The following ERGIC1 variants were observed in gnomAD, a reference collection of about 807,000 sequenced individuals.
ERGIC1 encodes the protein endoplasmic reticulum-Golgi intermediate compartment protein 1.
In ERGIC1, 19 loss-of-function variants were observed where a neutral mutation model predicts 38.3. The observed-to-expected ratio is 0.50, with a 90% CI of 0.35 to 0.73. ERGIC1 has a LOEUF of 0.73. Among genes scored for constraint, ERGIC1 ranks in the 30% least tolerant of loss-of-function variants. The pLI is 0.01. For synonymous variants in ERGIC1, 124 were observed against 157.6 expected (o/e 0.79, Z 1.60); for missense variants, 294 against 389.2 (o/e 0.76, Z 2.06).
chr5:172,914,234 C>CAAAA lies in ERGIC1; in HGVS notation c.251-460_251-457dup, dbSNP rs35584191. 2.2e-4 allele frequency among the ~76,000 whole-genome samples: 22 copies of CAAAA among 102,174 alleles called. 1 individual carries two copies. The highest frequency in any genetic ancestry group is 6.4e-4 in the African/African-American group (15 of 23,486). The allele number at this position is 102,174 out of a possible 152,430, so 67.0% of individuals were successfully genotyped here. A position where few individuals can be genotyped will look rare whatever the true frequency, so the allele number is the denominator to read the frequency against. Reference sequence around the variant, plus strand: ...TGGGCAAGAGAGCAAGACTCTGTCTCAAAAAAAAAAAAAAAAAAAAAAATA... The same window carrying CAAAA: ...TGGGCAAGAGAGCAAGACTCTGTCTCAAAAAAAAAAAAAAAAAAAAAAAAAAATA... On this transcript the variant is annotated intron_variant, in intron 4 of 9. Transcript: ENST00000393784.
chr5:172,892,060 A>ATTTTTTTTTTGTAT (rs372105420), intron 2 of ERGIC1, among the ~76,000 whole-genome samples: 1 of 125,530 alleles, frequency 8.0e-6, no homozygotes, highest in Non-Finnish European at 1.6e-5. Context: ...GTTAAAGAGT[A>ATTTTTTTTTTGTAT]TGTTTTTTTT....
At chr5:172,848,369 G>A (rs191913853) in intron 1 of ERGIC1, among the ~76,000 whole-genome samples, 110 of 152,214 alleles carry the variant, frequency 7.2e-4, no homozygotes, top group African/African-American at 2.5e-3. Context: ...TAGATGGGGC[G>A]ATAGAGAGTT....
intron 1 of ERGIC1, among the ~76,000 whole-genome samples, chr5:172,864,415 C>T (rs1293335801): frequency 1.7e-4 from 26 of 151,738 alleles, no homozygotes; most frequent in African/African-American, 5.6e-4. Context: ...ATTACAGGCA[C>T]GTACCACCAC....
intron 1 of ERGIC1, among the ~76,000 whole-genome samples, chr5:172,885,442 A>AT (rs1385100654): frequency 6.6e-6 from 1 of 151,892 alleles, no homozygotes; most frequent in African/African-American, 2.4e-5. Context: ...CAGTTTCTGT[A>AT]TTTTTTTAAA....
At position 172,951,571 on chromosome 5, in the gene ERGIC1, C is replaced by T. The variant is rs1296507916; in HGVS notation, c.*755C>T. 6.6e-6 allele frequency: 1 copy of T among 152,314 alleles called. No homozygotes were observed. Among genetic ancestry groups the T allele is most frequent in the Non-Finnish European group, 1.5e-5 (1 of 68,110 alleles). The allele number at this position is 152,314 out of a possible 1,614,324, so 9.4% of individuals were successfully genotyped here. ...CCTCTCTTCTCCTCGTTCCTCTGAA[C>T]CCTCCACCAATGTGCCTCAGCCTGT... On this transcript the variant is annotated 3_prime_UTR_variant, in exon 10 of 10. Coordinates refer to ENST00000393784, the MANE Select transcript of ERGIC1 (RefSeq NM_001031711.3).
intron 2 of ERGIC1, among the ~76,000 whole-genome samples, chr5:172,893,913 G>A (rs1489933282): frequency 0.13 from 6,671 of 51,490 alleles, 929 homozygotes; most frequent in African/African-American, 0.23. Context: ...ATATGTGTGT[G>A]TGTGTGTGTG....
At chr5:172,893,260 G>C (rs58880441) in intron 2 of ERGIC1, among the ~76,000 whole-genome samples, 3,199 of 152,156 alleles carry the variant, frequency 0.021, 107 homozygotes, top group African/African-American at 0.073. Context: ...TGGTTCTCCT[G>C]TCTCAGCCTC....
intron 7 of ERGIC1, among the ~76,000 whole-genome samples, chr5:172,929,823 G>A (rs886150040): frequency 3.3e-5 from 5 of 152,122 alleles, no homozygotes; most frequent in Admixed American, 2.6e-4. Flanking sequence ...ATAGAGAGAT[G>A]AATAAAACAA....
At chr5:172,869,507 G>A (rs1438267475) in intron 1 of ERGIC1, among the ~76,000 whole-genome samples, 2 of 152,162 alleles carry the variant, frequency 1.3e-5, no homozygotes, top group African/African-American at 4.8e-5. Flanking sequence ...CCTCGGCTGG[G>A]CTCAGGTCCC....
In ERGIC1 at chr5:172,862,355, G is replaced by GATAA. The variant is rs912442771; in HGVS notation, c.21-26343_21-26340dup. ...AAAGATGGCACAAGATAAGGGGGGA[G>GATAA]ATAAGGAAGTGCAGTAGAGGAAAAT... On this transcript the variant is annotated intron_variant, in intron 1 of 9. Coordinates refer to ENST00000393784, the MANE Select transcript of ERGIC1 (RefSeq NM_001031711.3). Among the ~76,000 whole-genome samples the GATAA allele has an allele frequency of 1.4e-4, 21 of 150,224 alleles. No homozygotes were observed. The East Asian group carries it at 4.1e-3, about 29-fold the overall frequency.
Position 172,888,744 on chromosome 5 carries a change from G to A in ERGIC1, c.66G>A (p.Thr22=), listed in dbSNP as rs760955420. 3.0e-5 allele frequency: 48 copies of A among 1,613,994 alleles called. No individual in the cohort carries two copies. Among genetic ancestry groups the A allele is most frequent in the South Asian group, 4.4e-5 (4 of 91,086 alleles). Residue 22 remains threonine, a synonymous_variant, in exon 2 of 10, where the codon ACG becomes ACA. Transcript: ENST00000393784. ...RKVPKDLTQP[T]YTGAIISICC... ...TGCCCAAGGACCTTACGCAGCCAAC[G>A]TACACCGGGGCCATTAGTGAGTAGC...
At chr5:172,904,582 A>G (rs1762971379) in intron 3 of ERGIC1, among the ~76,000 whole-genome samples, 1 of 152,200 alleles carries the variant, frequency 6.6e-6, no homozygotes, top group African/African-American at 2.4e-5. Context: ...TCAAACCACA[A>G]TGAATCCACA....
At chr5:172,886,259 C>T (rs957316972) in intron 1 of ERGIC1, among the ~76,000 whole-genome samples, 6 of 152,152 alleles carry the variant, frequency 3.9e-5, no homozygotes, top group Admixed American at 2.0e-4. Flanking sequence ...GAGAGGACAG[C>T]GCCCAGCTTC....
chr5:172,836,697 G>C (rs935739899), intron 1 of ERGIC1, among the ~76,000 whole-genome samples: 19 of 152,192 alleles, frequency 1.2e-4, no homozygotes, highest in African/African-American at 4.6e-4. Flanking sequence ...CCACCGTGAG[G>C]AGGTGGGTGG....
At chr5:172,880,971 G>A (rs1023730340) in intron 1 of ERGIC1, among the ~76,000 whole-genome samples, 9 of 152,336 alleles carry the variant, frequency 5.9e-5, no homozygotes, top group African/African-American at 2.2e-4. Flanking sequence ...AAATGTGGCT[G>A]GACGCGGTGG....
chr5:172,859,428 C>A (rs1761641166), intron 1 of ERGIC1, among the ~76,000 whole-genome samples: 1 of 152,110 alleles, frequency 6.6e-6, no homozygotes, highest in Non-Finnish European at 1.5e-5. Context: ...ACGGAAAAGG[C>A]CATATTCCAT....
chr5:172,946,456 T>C (rs1397942177), intron 9 of ERGIC1, among the ~76,000 whole-genome samples: 2 of 152,154 alleles, frequency 1.3e-5, no homozygotes, highest in East Asian at 1.9e-4. Context: ...TTGGATCCCA[T>C]TGTTCCCACA....
At chr5:172,877,784 ATAGCCT>A (rs1762184377) in intron 1 of ERGIC1, among the ~76,000 whole-genome samples, 2 of 152,152 alleles carry the variant, frequency 1.3e-5, no homozygotes. Context: ...GCTGTGGTAC[ATAGCCT>A]TGTGTAGATG....
intron 9 of ERGIC1, among the ~76,000 whole-genome samples, chr5:172,943,479 TC>T (rs927041294): frequency 6.6e-6 from 1 of 151,968 alleles, no homozygotes; most frequent in Non-Finnish European, 1.5e-5. Flanking sequence ...CTGATGAGAC[TC>T]CAATTCATTA....
Sources: gnomAD v4.1 joint callset for allele counts (sites outside exome capture counted in the v4.1 genomes callset) on GRCh38, gnomAD v4.1.1 for gene constraint, MANE v1.5 for transcripts, NCBI Gene and HGNC (gene_info 2026-07-23, HGNC 2026-07-21) for gene names.